PRKCE: variants seen among roughly 807,000 people sequenced by gnomAD.
PRKCE encodes the protein protein kinase C epsilon type.
A neutral mutation model predicts 85.4 loss-of-function variants in PRKCE; 16 were observed. That is an observed-to-expected ratio of 0.19 (90% CI 0.13 to 0.28). The LOEUF is 0.28. Ranked by LOEUF, PRKCE falls within the 10% of genes least tolerant of loss-of-function variation. The probability of loss-of-function intolerance (pLI) is 1.00; values close to 1 mark genes in which losing one functional copy is unlikely to be tolerated. For missense variants in PRKCE, 573 were observed against 975.2 expected (o/e 0.59, Z 5.49); for synonymous variants, 388 against 371.5 (o/e 1.04, Z -0.51).
At chr2:45,933,607 G>T (rs1475887238) in intron 2 of PRKCE, among the ~76,000 whole-genome samples, 1 of 151,816 alleles carries the variant, frequency 6.6e-6, no homozygotes, top group African/African-American at 2.4e-5. Context: ...CCGAGTAGCT[G>T]GGACTACAGG....
At chr2:45,959,619 G>A (rs1574029563) in intron 2 of PRKCE, among the ~76,000 whole-genome samples, 1 of 152,198 alleles carries the variant, frequency 6.6e-6, no homozygotes, top group East Asian at 1.9e-4. Context: ...GGATGGCTCA[G>A]ATCAGATTTA....
At chr2:46,088,755 C>T (rs989137460) in intron 11 of PRKCE, among the ~76,000 whole-genome samples, 4 of 152,118 alleles carry the variant, frequency 2.6e-5, no homozygotes, top group South Asian at 4.1e-4. Context: ...AGAAGAAAAA[C>T]GCCATTTCTT....
intron 10 of PRKCE, among the ~76,000 whole-genome samples, chr2:46,045,808 G>A (rs1004044589): frequency 8.5e-5 from 13 of 152,268 alleles, no homozygotes; most frequent in African/African-American, 3.1e-4. Context: ...CAGCCTGGGA[G>A]GCAGTTGTTG....
At chr2:45,677,323 T>TC (rs1254752738) in intron 1 of PRKCE, among the ~76,000 whole-genome samples, 1 of 122,298 alleles carries the variant, frequency 8.2e-6, no homozygotes, top group South Asian at 2.9e-4. Context: ...AGTGAAGGTT[T>TC]TTTTTTTGTT....
intron 1 of PRKCE, among the ~76,000 whole-genome samples, chr2:45,687,126 C>T (rs1173664371): frequency 1.3e-5 from 2 of 151,956 alleles, no homozygotes; most frequent in African/African-American, 4.8e-5. Flanking sequence ...ACAAAACAAG[C>T]AGGTTTCATG....
chr2:45,872,037 C>T (rs1694131347), intron 2 of PRKCE, among the ~76,000 whole-genome samples: 1 of 152,170 alleles, frequency 6.6e-6, no homozygotes, highest in African/African-American at 2.4e-5. Flanking sequence ...AGACAAAAAG[C>T]TCTGCCCTCA....
At chr2:45,872,101 G>A (rs1022853274) in intron 2 of PRKCE, among the ~76,000 whole-genome samples, 1 of 151,978 alleles carries the variant, frequency 6.6e-6, no homozygotes, top group African/African-American at 2.4e-5. Flanking sequence ...AAAAGTCCTA[G>A]TTGTTAATAA....
intron 13 of PRKCE, among the ~76,000 whole-genome samples, chr2:46,154,272 A>G (rs1295199430): frequency 6.6e-6 from 1 of 151,998 alleles, no homozygotes; most frequent in Non-Finnish European, 1.5e-5. Context: ...CCCTTGCCCC[A>G]AGCCAGTGAG....
chr2:46,113,737 G>A (rs1672484864), intron 11 of PRKCE, among the ~76,000 whole-genome samples: 1 of 152,128 alleles, frequency 6.6e-6, no homozygotes, highest in South Asian at 2.1e-4. Flanking sequence ...CCCTGGGTAG[G>A]GGTAGCTTTT....
intron 11 of PRKCE, among the ~76,000 whole-genome samples, chr2:46,126,350 T>C (rs988721888): frequency 2.0e-5 from 3 of 152,122 alleles, no homozygotes; most frequent in Admixed American, 2.0e-4. Flanking sequence ...TCGCTGCCTA[T>C]TGGGGGCATT....
At chr2:46,177,027 G>C (rs2104695778) in intron 14 of PRKCE, among the ~76,000 whole-genome samples, 1 of 152,302 alleles carries the variant, frequency 6.6e-6, no homozygotes, top group East Asian at 1.9e-4. Context: ...GAGATTCAGA[G>C]AGGTAAGTTG....
At chr2:46,045,468 G>A (rs915685238) in intron 10 of PRKCE, among the ~76,000 whole-genome samples, 2 of 152,252 alleles carry the variant, frequency 1.3e-5, no homozygotes, top group Non-Finnish European at 2.9e-5. Flanking sequence ...TGGTGGAGAT[G>A]TTTAGGCTAG....
At chr2:46,006,836 G>A (rs1705242901) in intron 8 of PRKCE, among the ~76,000 whole-genome samples, 2 of 152,194 alleles carry the variant, frequency 1.3e-5, no homozygotes. Context: ...TTTGCAACAT[G>A]TCACTTGGGA....
chr2:45,757,882 C>T (rs111597281), intron 1 of PRKCE, among the ~76,000 whole-genome samples: 104 of 152,168 alleles, frequency 6.8e-4, no homozygotes, highest in Non-Finnish European at 1.2e-3. Context: ...CAGGTCTTGA[C>T]GGAGGTTGAT....
chr2:45,905,747 G>A lies in PRKCE; in HGVS notation c.412+62684G>A, dbSNP rs1696922805. ...ATAGGATGTTTACTGAAGGGTAAAT[G>A]GAGACCGGCCCATGCTCTTTATAGT... On this transcript the variant is annotated intron_variant, in intron 2 of 14. Transcript: ENST00000306156. The surrounding 1 kb of genome is among the most constrained non-coding windows in gnomAD (Gnocchi z 4.4). Among the ~76,000 whole-genome samples the A allele has an allele frequency of 6.6e-6, 1 of 152,238 alleles. No homozygotes were observed.
rs1416926588 is a variant in PRKCE, at chr2:45,784,823, G to C, written c.349-58177G>C. On this transcript the variant is annotated intron_variant, in intron 1 of 14. Coordinates refer to ENST00000306156, the MANE Select transcript of PRKCE (RefSeq NM_005400.3). Reference sequence around the variant, plus strand: ...GGTGGTTGACTTTGGTTGGGTACTTGACTGTGAAGGAGAAGGGGAGAACTT... The same window carrying C: ...GGTGGTTGACTTTGGTTGGGTACTTCACTGTGAAGGAGAAGGGGAGAACTT... Among the ~76,000 whole-genome samples, 8 of 152,182 alleles carry C rather than the reference G, an allele frequency of 5.3e-5. No homozygotes were observed. In the East Asian group the frequency reaches 1.5e-3, roughly 29 times the overall value.
intron 2 of PRKCE, among the ~76,000 whole-genome samples, chr2:45,859,012 G>C (rs2105631833): frequency 6.6e-6 from 1 of 151,436 alleles, no homozygotes; most frequent in Admixed American, 6.6e-5. Context: ...TTGTATTCCA[G>C]CCTGGGCAAC....
At chr2:45,954,793 G>T (rs1317324280) in intron 2 of PRKCE, among the ~76,000 whole-genome samples, 3 of 152,164 alleles carry the variant, frequency 2.0e-5, no homozygotes, top group African/African-American at 4.8e-5. Flanking sequence ...TAGAACCGAG[G>T]ATAGCTTTTA....
chr2:45,800,505 GGCTC>G (rs1687776063), intron 1 of PRKCE, among the ~76,000 whole-genome samples: 1 of 152,262 alleles, frequency 6.6e-6, no homozygotes, highest in Non-Finnish European at 1.5e-5. Flanking sequence ...GTTGGCTACA[GGCTC>G]TTGCCAATAG....
Sources: allele counts gnomAD v4.1 joint callset (sites outside exome capture counted in the v4.1 genomes callset), GRCh38; gene constraint gnomAD v4.1.1; non-coding constraint Gnocchi (gnomAD v3.1); transcripts MANE v1.5; gene names NCBI Gene and HGNC (gene_info 2026-07-23, HGNC 2026-07-21).